The following ZFYVE9 variants were observed in gnomAD, a reference collection of about 807,000 sequenced individuals.
ZFYVE9 encodes the protein zinc finger FYVE-type containing 9.
ZFYVE9 carries 43 observed loss-of-function variants against 126.7 expected under a neutral mutation model. The observed-to-expected ratio is 0.34, with a 90% CI of 0.27 to 0.44. ZFYVE9 has a LOEUF of 0.44. Among genes scored for constraint, ZFYVE9 ranks in the 20% least tolerant of loss-of-function variants. ZFYVE9 has a pLI of 1.00. For synonymous variants in ZFYVE9, 521 were observed against 597.4 expected, an observed-to-expected ratio of 0.87 and a Z score of 1.87; for missense variants, 1,476 against 1,697.0, an observed-to-expected ratio of 0.87 and a Z score of 2.29.
intron 10 of ZFYVE9, among the ~76,000 whole-genome samples, chr1:52,291,224 T>C (rs1645916454): frequency 1.3e-5 from 2 of 152,184 alleles, no homozygotes; most frequent in Admixed American, 1.3e-4. Flanking sequence ...GCCACAAAGC[T>C]TCTCTGAGTT....
intron 12 of ZFYVE9, among the ~76,000 whole-genome samples, chr1:52,298,339 G>T (rs1645997769): frequency 6.6e-6 from 1 of 152,050 alleles, no homozygotes; most frequent in African/African-American, 2.4e-5. Flanking sequence ...GGAGAGGTGG[G>T]GGTCTAGTTT....
At chr1:52,288,300 CTGTT>C (rs1277177107) in intron 10 of ZFYVE9, among the ~76,000 whole-genome samples, 2 of 152,088 alleles carry the variant, frequency 1.3e-5, no homozygotes, top group Non-Finnish European at 2.9e-5. Context: ...GTCTCTTGAG[CTGTT>C]TGTTTAAGAG....
Position 52,244,213 on chromosome 1 carries a change from C to G in ZFYVE9, c.2178+4618C>G, listed in dbSNP as rs1176765275. On this transcript the variant is annotated intron_variant, in intron 4 of 18. Transcript: ENST00000287727. Reference sequence around the variant, plus strand: ...TTTTCAAGAACTTTTGCCATGAAAACAGAAAAAAATTGTAGCAATTATTAG... The same window carrying G: ...TTTTCAAGAACTTTTGCCATGAAAAGAGAAAAAAATTGTAGCAATTATTAG... Among the ~76,000 whole-genome samples the G allele has an allele frequency of 1.6e-4, 25 of 151,994 alleles. 1 individual carries two copies. The highest frequency in any genetic ancestry group is 3.2e-3 in the Middle Eastern group (1 of 316).
Position 52,311,876 on chromosome 1 carries a change from C to A in ZFYVE9, c.3438+7951C>A, listed in dbSNP as rs116593979. Among the ~76,000 whole-genome samples, 1,060 of 151,988 alleles carry A rather than the reference C, an allele frequency of 7.0e-3. 14 individuals carry two copies. Among genetic ancestry groups the A allele is most frequent in the African/African-American group, 0.024 (1,009 of 41,442 alleles). ...TACAATCTTGGCTCAGTGCAACTTTCGCTTCCTGGACTCAAGCAGTTCTCC... is the reference window on the plus strand; with the variant it reads ...TACAATCTTGGCTCAGTGCAACTTTAGCTTCCTGGACTCAAGCAGTTCTCC... On this transcript the variant is annotated intron_variant, in intron 13 of 18. Coordinates refer to ENST00000287727, the MANE Select transcript of ZFYVE9 (RefSeq NM_004799.4).
rs58857376 is a variant in ZFYVE9 at position 52,272,673 on chromosome 1, C to CTTT, written c.2626-1773_2626-1771dup. Reference sequence around the variant, plus strand: ...ATGAAATGAAGCTGCTAGAAATAATCTTTTTTTTTTTTTTTTTTTTGAGTC... The same window carrying CTTT: ...ATGAAATGAAGCTGCTAGAAATAATCTTTTTTTTTTTTTTTTTTTTTTTGAGTC... On this transcript the variant is annotated intron_variant, in intron 7 of 18. Coordinates refer to ENST00000287727, the MANE Select transcript of ZFYVE9 (RefSeq NM_004799.4). 1.0e-3 allele frequency among the ~76,000 whole-genome samples: 121 copies of CTTT among 121,248 alleles called. 1 individual carries two copies. Among genetic ancestry groups the CTTT allele is most frequent in the African/African-American group, 3.4e-3 (102 of 29,590 alleles). 79.5% of individuals were successfully genotyped at this position (121,248 alleles called of 152,430 possible).
In ZFYVE9 at chr1:52,322,068, G is replaced by T. The variant is rs1249002168; in HGVS notation, c.3439-10700G>T. On this transcript the variant is annotated intron_variant, in intron 13 of 18. Transcript: ENST00000287727. ...TGCATACACATTTCAAGCTTAGCAA[G>T]TTCACCTTTGACATGGTCATCTTAC... 2.0e-5 allele frequency among the ~76,000 whole-genome samples: 3 copies of T among 152,162 alleles called. No individual in the cohort carries two copies. The East Asian group carries it at 5.8e-4, about 29-fold the overall frequency.
At chr1:52,228,356 A>G (rs1028969798) in intron 2 of ZFYVE9, among the ~76,000 whole-genome samples, 1 of 152,174 alleles carries the variant, frequency 6.6e-6, no homozygotes, top group African/African-American at 2.4e-5. Flanking sequence ...TAAACTCTTT[A>G]AAATAATTAG....
chr1:52,180,026 TGAG>T, intron 1 of ZFYVE9: 1 of 846,470 alleles, frequency 1.2e-6, no homozygotes, highest in South Asian at 1.3e-5. Context: ...ACAAGTTTAA[TGAG>T]GAGGATGAAT....
At chr1:52,201,132 A>G (rs769031342) in intron 1 of ZFYVE9, among the ~76,000 whole-genome samples, 2 of 152,090 alleles carry the variant, frequency 1.3e-5, no homozygotes, top group African/African-American at 2.4e-5. Flanking sequence ...ATATCTTTTC[A>G]TTTATTTGGT....
intron 1 of ZFYVE9, chr1:52,160,350 C>G: frequency 8.7e-7 from 1 of 1,152,714 alleles, no homozygotes; most frequent in South Asian, 1.2e-5. Flanking sequence ...TTGTGAGTCA[C>G]AAATTCATCA....
chr1:52,161,968 CTA>C (rs1644464397), intron 1 of ZFYVE9, among the ~76,000 whole-genome samples: 1 of 150,048 alleles, frequency 6.7e-6, no homozygotes, highest in African/African-American at 2.5e-5. Context: ...GAGTATAACA[CTA>C]GGGTTGCTTT....
At chr1:52,333,881 A>C (rs1487103437) in intron 14 of ZFYVE9, among the ~76,000 whole-genome samples, 1 of 152,104 alleles carries the variant, frequency 6.6e-6, no homozygotes, top group Non-Finnish European at 1.5e-5. Flanking sequence ...ACCTAAGGTC[A>C]GGAGTTCAAG....
intron 1 of ZFYVE9, among the ~76,000 whole-genome samples, chr1:52,212,597 A>T (rs1645037821): frequency 6.6e-6 from 1 of 152,214 alleles, no homozygotes; most frequent in Admixed American, 6.5e-5. Context: ...TAGAAATGGG[A>T]TGAGGGTGAT....
In ZFYVE9 at chr1:52,165,792, C is replaced by T. The variant is rs568464937; in HGVS notation, c.-143+23389C>T. Among the ~76,000 whole-genome samples the T allele has an allele frequency of 9.9e-5, 15 of 152,264 alleles. No homozygotes were observed. In the South Asian group the frequency reaches 1.7e-3, roughly 17 times the overall value. ...ATAGTGATCAGCATAGTTCCTAGAA[C>T]GTGGCAAAGTGATTGAAATTGTCAG... On this transcript the variant is annotated intron_variant, in intron 1 of 18. Transcript: ENST00000287727.
chr1:52,334,759 A>G lies in ZFYVE9; in HGVS notation c.3661A>G (p.Ile1221Val). The change falls in exon 15 of 19, where the codon ATT (isoleucine) becomes GTT (valine). Residue 1221 changes from isoleucine (I) to valine (V), a missense_variant. Around this residue, in one of 2 missense-constraint regions of ZFYVE9, gnomAD observed 669 missense variants for 902.4 expected, o/e 0.74. Transcript: ENST00000287727. ...TTCTGGATACCTTGCCAAGTCCAGT[A>G]TTGTGGAAGGTAAAGAATGAATTGT... ...SSSGYLAKSS[I>V]VEDGVMVQIT... 1 of 1,613,820 alleles carries G rather than the reference A, an allele frequency of 6.2e-7. No individual in the cohort carries two copies. The highest frequency in any genetic ancestry group is 8.5e-7 in the Non-Finnish European group (1 of 1,179,848).
Position 52,162,822 on chromosome 1 carries a change from C to G in ZFYVE9, c.-143+20419C>G, listed in dbSNP as rs554427201. ...TCTGGATCAAGAGTGGGATCTGGAT[C>G]AAGTGTGTAACGTCGATGAGAATGC... On this transcript the variant is annotated intron_variant, in intron 1 of 18. Coordinates refer to ENST00000287727, the MANE Select transcript of ZFYVE9 (RefSeq NM_004799.4). 14 of 364,346 alleles carry G rather than the reference C, an allele frequency of 3.8e-5. No homozygotes were observed. The South Asian group carries it at 5.8e-4, about 15-fold the overall frequency. The allele number at this position is 364,346 out of a possible 1,614,324, so 22.6% of individuals were successfully genotyped here.
intron 1 of ZFYVE9, among the ~76,000 whole-genome samples, chr1:52,157,590 C>T (rs544901875): frequency 1.1e-4 from 16 of 151,356 alleles, no homozygotes; most frequent in East Asian, 7.8e-4. Flanking sequence ...TTAGTAGAGA[C>T]GGGGGTTTTC....
intron 13 of ZFYVE9, among the ~76,000 whole-genome samples, chr1:52,310,600 AGTG>A (rs1464414757): frequency 2.6e-5 from 4 of 152,196 alleles, no homozygotes; most frequent in Non-Finnish European, 5.9e-5. Context: ...ACAGCTAGCA[AGTG>A]GTGGAGCTGC....
intron 1 of ZFYVE9, among the ~76,000 whole-genome samples, chr1:52,166,229 CTTGA>C (rs1400662866): frequency 2.0e-5 from 3 of 152,136 alleles, no homozygotes; most frequent in Non-Finnish European, 4.4e-5. Context: ...GTATTGCTGC[CTTGA>C]TTATTGCTAA....
Sources: gnomAD v4.1 joint callset for allele counts (sites outside exome capture counted in the v4.1 genomes callset) on GRCh38, gnomAD v4.1.1 for gene constraint, gnomAD v4.1.1 regional missense constraint, MANE v1.5 for transcripts, NCBI Gene and HGNC (gene_info 2026-07-23, HGNC 2026-07-21) for gene names.